Variants in CSMD1 observed in about 807,000 individuals in gnomAD.
CSMD1 encodes the protein CUB and Sushi multiple domains 1, also known as CUB and sushi domain-containing protein 1.
A neutral mutation model predicts 417.5 loss-of-function variants in CSMD1; 213 were observed. The observed-to-expected ratio is 0.51, with a 90% CI of 0.46 to 0.57. The LOEUF (loss-of-function observed/expected upper bound fraction) is 0.57, where lower values mean the gene tolerates loss of function less well. Among genes scored for constraint, CSMD1 ranks in the 20% least tolerant of loss-of-function variants. The probability of loss-of-function intolerance (pLI) is 0.00; values close to 1 mark genes in which losing one functional copy is unlikely to be tolerated. For synonymous variants in CSMD1, 2,862 were observed against 1,736.8 expected, an observed-to-expected ratio of 1.65 and a Z score of -16.11; for missense variants, 6,923 against 4,529.7, an observed-to-expected ratio of 1.53 and a Z score of -15.17.
intron 3 of CSMD1, among the ~76,000 whole-genome samples, chr8:4,362,449 A>T (rs951639210): frequency 1.3e-5 from 2 of 152,168 alleles, no homozygotes; most frequent in Non-Finnish European, 2.9e-5. Flanking sequence ...AGTTTTGTTA[A>T]AGGTCCCTTG....
intron 1 of CSMD1, among the ~76,000 whole-genome samples, chr8:4,864,388 C>T (rs1474794964): frequency 6.6e-6 from 1 of 151,794 alleles, no homozygotes; most frequent in East Asian, 1.9e-4. Context: ...ATTTGTCTTT[C>T]AATGGTTTAA....
intron 1 of CSMD1, among the ~76,000 whole-genome samples, chr8:4,888,562 C>T (rs1378394089): frequency 1.3e-5 from 2 of 151,124 alleles, no homozygotes; most frequent in African/African-American, 4.9e-5. Flanking sequence ...GTCTATGGAC[C>T]CCTGTACCCT....
chr8:4,245,511 T>G (rs1802650811), intron 3 of CSMD1, among the ~76,000 whole-genome samples: 1 of 152,160 alleles, frequency 6.6e-6, no homozygotes, highest in Admixed American at 6.5e-5. Context: ...GGTTGGATGT[T>G]TCCCAATCCA....
chr8:4,370,371 G>T (rs780469586), intron 3 of CSMD1, among the ~76,000 whole-genome samples: 1 of 152,150 alleles, frequency 6.6e-6, no homozygotes, highest in Non-Finnish European at 1.5e-5. Flanking sequence ...CTGCTTTCAA[G>T]ATTTTTTCTT....
intron 5 of CSMD1, among the ~76,000 whole-genome samples, chr8:3,961,196 G>A (rs1335359693): frequency 6.6e-6 from 1 of 152,112 alleles, no homozygotes; most frequent in Admixed American, 6.6e-5. Flanking sequence ...AAGCATGAAA[G>A]TCATTGTCTC....
rs60411612 is a variant in CSMD1 at position 4,042,815 on chromosome 8, T to TAAAAAAAAAAAAAAAAAAAAAAAA, written c.416-10740_416-10717dup. Among the ~76,000 whole-genome samples, 9 of 41,314 alleles carry TAAAAAAAAAAAAAAAAAAAAAAAA rather than the reference T, an allele frequency of 2.2e-4. 2 individuals carry two copies. Among genetic ancestry groups the TAAAAAAAAAAAAAAAAAAAAAAAA allele is most frequent in the Non-Finnish European group, 3.0e-4 (7 of 23,478 alleles). 27.1% of individuals were successfully genotyped at this position (41,314 alleles called of 152,430 possible). A position where few individuals can be genotyped will look rare whatever the true frequency, so the allele number is the denominator to read the frequency against. ...CAATAGGTGAAGTGGTACAACATAT[T>TAAAAAAAAAAAAAAAAAAAAAAAA]AAAAAAAAAAAAAAAAAAAAAAAAA... On this transcript the variant is annotated intron_variant, in intron 3 of 69. Transcript: ENST00000635120.
intron 3 of CSMD1, among the ~76,000 whole-genome samples, chr8:4,124,781 A>G (rs1029520211): frequency 6.6e-6 from 1 of 152,134 alleles, no homozygotes; most frequent in African/African-American, 2.4e-5. Flanking sequence ...TCATATAGGA[A>G]GTTTAAGCTC....
At chr8:2,982,711 C>T (rs1011424196) in intron 54 of CSMD1, among the ~76,000 whole-genome samples, 12 of 152,202 alleles carry the variant, frequency 7.9e-5, no homozygotes, top group Admixed American at 4.6e-4. Flanking sequence ...CCTTTTAATT[C>T]CCTTCTTGGG....
intron 1 of CSMD1, among the ~76,000 whole-genome samples, chr8:4,987,538 G>T (rs1811243271): frequency 6.6e-6 from 1 of 152,048 alleles, no homozygotes; most frequent in Non-Finnish European, 1.5e-5. Context: ...TTTCATTGAG[G>T]TTGAAGCTCC....
chr8:3,792,623 G>T (rs747171193), intron 5 of CSMD1, among the ~76,000 whole-genome samples: 2 of 152,102 alleles, frequency 1.3e-5, no homozygotes, highest in African/African-American at 4.8e-5. Context: ...GACAAATCAT[G>T]ACAGGCAGTA....
At chr8:3,482,968 A>T (rs10093366) in intron 11 of CSMD1, among the ~76,000 whole-genome samples, 103,888 of 151,942 alleles carry the variant, frequency 0.68, 35,713 homozygotes, top group Middle Eastern at 0.78. Flanking sequence ...ATATGTGGGA[A>T]GCAGATAAAA....
At chr8:4,423,879 G>A (rs1797398176) in intron 2 of CSMD1, among the ~76,000 whole-genome samples, 1 of 152,030 alleles carries the variant, frequency 6.6e-6, no homozygotes, top group South Asian at 2.1e-4. Flanking sequence ...AAACCCGTAT[G>A]TCAATGGATC....
intron 12 of CSMD1, among the ~76,000 whole-genome samples, chr8:3,431,488 G>A (rs577942868): frequency 1.5e-4 from 23 of 152,084 alleles, no homozygotes; most frequent in East Asian, 1.2e-3. Context: ...TCATCTTGCC[G>A]CCTCCCTGAC....
At chr8:4,424,904 A>C (rs1213671792) in intron 2 of CSMD1, among the ~76,000 whole-genome samples, 2 of 152,108 alleles carry the variant, frequency 1.3e-5, no homozygotes, top group East Asian at 3.9e-4. Flanking sequence ...TAATGATCTC[A>C]CATTAAATAA....
intron 20 of CSMD1, among the ~76,000 whole-genome samples, chr8:3,360,794 A>G (rs1809108487): frequency 6.6e-6 from 1 of 151,788 alleles, no homozygotes; most frequent in African/African-American, 2.4e-5. Flanking sequence ...CATTATTTTC[A>G]CTGGACATAT....
rs187043108 is a variant in CSMD1, at chr8:4,819,604, T to C, written c.85+174728A>G. Among the ~76,000 whole-genome samples the C allele has an allele frequency of 2.7e-4, 41 of 152,312 alleles. No homozygotes were observed. The East Asian group carries it at 3.3e-3, about 12-fold the overall frequency. On this transcript the variant is annotated intron_variant, in intron 1 of 69. Transcript: ENST00000635120. ...GTATCTTGTTAAGCATTTTCAAATT[T>C]TCTCCTTTTAAGATTGGAATATCAA...
chr8:3,806,680 C>A (rs1800760723), intron 5 of CSMD1, among the ~76,000 whole-genome samples: 1 of 152,170 alleles, frequency 6.6e-6, no homozygotes, highest in Non-Finnish European at 1.5e-5. Context: ...ATAATCTTAT[C>A]AAATCTTCAA....
chr8:4,108,410 C>T (rs1280921763), intron 3 of CSMD1, among the ~76,000 whole-genome samples: 2 of 152,134 alleles, frequency 1.3e-5, no homozygotes, highest in Non-Finnish European at 1.5e-5. Context: ...TCATAGCATA[C>T]GACAAAGTGA....
intron 10 of CSMD1, among the ~76,000 whole-genome samples, chr8:3,510,793 C>T (rs1027599805): frequency 1.6e-4 from 24 of 151,714 alleles, no homozygotes; most frequent in African/African-American, 3.4e-4. Context: ...GTTTATTAGC[C>T]GCATAAATGT....
Sources: gnomAD v4.1 joint callset for allele counts (sites outside exome capture counted in the v4.1 genomes callset) on GRCh38, gnomAD v4.1.1 for gene constraint, MANE v1.5 for transcripts, NCBI Gene and HGNC (gene_info 2026-07-23, HGNC 2026-07-21) for gene names.